The following ESRRG variants were observed in gnomAD, a reference collection of about 807,000 sequenced individuals.
ESRRG encodes the protein estrogen related receptor gamma.
Under a neutral mutation model 44.0 loss-of-function variants are expected in ESRRG, and 13 were observed. The observed-to-expected ratio is 0.30, with a 90% CI of 0.19 to 0.47. ESRRG has a LOEUF of 0.47. Among genes scored for constraint, ESRRG ranks in the 20% least tolerant of loss-of-function variants. The pLI is 1.00. For synonymous variants in ESRRG, 215 were observed against 214.6 expected (o/e 1.00, Z -0.02); for missense variants, 395 against 580.6 (o/e 0.68, Z 3.29).
chr1:216,625,855 T>A (rs754728675), intron 3 of ESRRG, among the ~76,000 whole-genome samples: 2 of 152,212 alleles, frequency 1.3e-5, no homozygotes, highest in Admixed American at 6.5e-5. Context: ...TTAGCCACTA[T>A]CCACTGTTTC....
chr1:216,912,178 A>G (rs375063097), intron 2 of ESRRG, among the ~76,000 whole-genome samples: 1,484 of 18,698 alleles, frequency 0.079, 71 homozygotes, highest in East Asian at 0.12. Flanking sequence ...AAGAAAAGAA[A>G]AGAAAAGGAG....
chr1:216,704,767 A>T (rs2082122114), intron 1 of ESRRG, among the ~76,000 whole-genome samples: 3 of 151,430 alleles, frequency 2.0e-5, no homozygotes, highest in South Asian at 2.1e-4. Flanking sequence ...GGAGGAGTAG[A>T]TTTTTTTTAA....
At chr1:217,107,447 T>C (rs1466983163) in intron 1 of ESRRG, among the ~76,000 whole-genome samples, 1 of 151,250 alleles carries the variant, frequency 6.6e-6, no homozygotes, top group African/African-American at 2.5e-5. Context: ...TTTCTAGTTA[T>C]GTCTTTTTAC....
At chr1:216,949,810 C>A (rs1361026652) in intron 1 of ESRRG, among the ~76,000 whole-genome samples, 1 of 151,502 alleles carries the variant, frequency 6.6e-6, no homozygotes, top group Non-Finnish European at 1.5e-5. Context: ...CTGACTTTTT[C>A]CAAACTTTTT....
intron 3 of ESRRG, among the ~76,000 whole-genome samples, chr1:216,649,332 T>G (rs913145220): frequency 6.6e-6 from 1 of 152,068 alleles, no homozygotes; most frequent in African/African-American, 2.4e-5. Flanking sequence ...CCAAAGGCTA[T>G]ACCATAAAAA....
At chr1:216,943,699 G>T (rs1378968309) in intron 1 of ESRRG, among the ~76,000 whole-genome samples, 1 of 152,056 alleles carries the variant, frequency 6.6e-6, no homozygotes, top group Non-Finnish European at 1.5e-5. Flanking sequence ...TTTTAAAAGG[G>T]GAAACACACA....
chr1:216,852,829 CA>C (rs2095862387), intron 2 of ESRRG, among the ~76,000 whole-genome samples: 2 of 150,782 alleles, frequency 1.3e-5, no homozygotes, highest in South Asian at 4.2e-4. Context: ...TTCTTCCCAC[CA>C]GGGCTCTTTC....
intron 2 of ESRRG, among the ~76,000 whole-genome samples, chr1:216,922,480 A>G (rs768443653): frequency 6.6e-6 from 1 of 152,200 alleles, no homozygotes; most frequent in Non-Finnish European, 1.5e-5. Context: ...CATTCTTTTC[A>G]TCAGGGTAGA....
chr1:216,730,182 G>A (rs1266092416), intron 2 of ESRRG, among the ~76,000 whole-genome samples: 5 of 151,662 alleles, frequency 3.3e-5, no homozygotes, highest in African/African-American at 7.3e-5. Context: ...ATAGAACTCC[G>A]ACAGAGATCT....
chr1:217,062,787 T>G (rs1301310592), intron 1 of ESRRG, among the ~76,000 whole-genome samples: 2 of 152,162 alleles, frequency 1.3e-5, no homozygotes, highest in Non-Finnish European at 2.9e-5. Context: ...AAATGTTTCT[T>G]AACATCAAAC....
rs190764702 is a variant in ESRRG at position 216,686,495 on chromosome 1, G to A, written c.57-9004C>T. On this transcript the variant is annotated intron_variant, in intron 1 of 6. Coordinates refer to ENST00000408911, the MANE Select transcript of ESRRG (RefSeq NM_001438.4). ...TTATTCAGCAGAAACATAGCATCCA[G>A]TGAAGCCAGTAGAAGCCACTGAAAA... is the stretch of plus-strand genomic sequence containing the variant. 4.7e-5 allele frequency among the ~76,000 whole-genome samples: 7 copies of A among 147,882 alleles called. No homozygotes were observed. In the East Asian group the frequency reaches 1.2e-3, roughly 25 times the overall value.
chr1:216,864,566 T>C (rs976984896), intron 2 of ESRRG: 6 of 112,356 alleles, frequency 5.3e-5, no homozygotes, highest in African/African-American at 3.2e-4. Flanking sequence ...ACAAAAATAA[T>C]ACAGAAAAAA....
intron 2 of ESRRG, among the ~76,000 whole-genome samples, chr1:216,734,683 A>G (rs2089521036): frequency 6.6e-6 from 1 of 152,182 alleles, no homozygotes; most frequent in East Asian, 1.9e-4. Flanking sequence ...CTTTCTTTAT[A>G]GCAATGCAGC....
At chr1:217,098,618 GA>G (rs2092459957) in intron 1 of ESRRG, among the ~76,000 whole-genome samples, 1 of 152,130 alleles carries the variant, frequency 6.6e-6, no homozygotes, top group African/African-American at 2.4e-5. Context: ...ATCAGATTAG[GA>G]AGGAAAACAG....
intron 1 of ESRRG, among the ~76,000 whole-genome samples, chr1:217,039,292 AAC>A (rs1407531171): frequency 6.6e-6 from 1 of 152,158 alleles, no homozygotes; most frequent in Non-Finnish European, 1.5e-5. Context: ...TATTTTCAGC[AAC>A]ACCCCACTCC....
chr1:216,981,559 A>G (rs751700957), intron 1 of ESRRG, among the ~76,000 whole-genome samples: 9 of 152,210 alleles, frequency 5.9e-5, no homozygotes, highest in Admixed American at 1.3e-4. Context: ...ATTATTTTAT[A>G]TTTAATACTG....
At chr1:216,980,716 G>A (rs1224064640) in intron 1 of ESRRG, among the ~76,000 whole-genome samples, 1 of 152,010 alleles carries the variant, frequency 6.6e-6, no homozygotes, top group Non-Finnish European at 1.5e-5. Flanking sequence ...TTACTTAAAT[G>A]GCATCCCCAT....
At chr1:216,725,218 C>A (rs1400916362), upstream of ESRRG, among the ~76,000 whole-genome samples, 3 of 152,024 alleles carry the variant, frequency 2.0e-5, no homozygotes, top group African/African-American at 7.2e-5. Context: ...TATTTGTGTT[C>A]TAAATGCATA....
intron 2 of ESRRG, chr1:216,854,914 A>G (rs2095903127): frequency 6.6e-6 from 1 of 152,194 alleles, no homozygotes; most frequent in Non-Finnish European, 1.5e-5. Context: ...ATTGGTTTAT[A>G]AGATGCTCAT....
Sources: allele counts gnomAD v4.1 joint callset (sites outside exome capture counted in the v4.1 genomes callset), GRCh38; gene constraint gnomAD v4.1.1; transcripts MANE v1.5; gene names NCBI Gene and HGNC (gene_info 2026-07-23, HGNC 2026-07-21).